Variants in DUSP8 observed in about 807,000 individuals in gnomAD.
The protein encoded by DUSP8 is dual specificity protein phosphatase 8.
A neutral mutation model predicts 38.7 loss-of-function variants in DUSP8; 15 were observed. That is an observed-to-expected ratio of 0.39 (90% confidence interval 0.26 to 0.60). The LOEUF is 0.60. Ranked by LOEUF, DUSP8 falls within the 20% of genes least tolerant of loss-of-function variation. DUSP8 has a pLI of 0.56. For synonymous variants in DUSP8, 458 were observed against 433.9 expected (o/e 1.06, Z -0.69); for missense variants, 768 against 915.0 (o/e 0.84, Z 2.07).
intron 3 of DUSP8, among the ~76,000 whole-genome samples, chr11:1,560,269 C>T (rs1208312553): frequency 6.6e-6 from 1 of 152,140 alleles, no homozygotes; most frequent in African/African-American, 2.4e-5. Context: ...CCTGGGAACC[C>T]CAGGGCTCTT....
chr11:1,563,976 T>C lies in DUSP8; in HGVS notation c.245A>G (p.Glu82Gly). Residue 82 changes from glutamate to glycine, a missense_variant, in exon 3 of 7, where the codon GAG becomes GGG. Physicochemically the swap from Glu to Gly is moderately conservative, Grantham distance 98. Coordinates refer to ENST00000397374, the MANE Select transcript of DUSP8 (RefSeq NM_004420.3). ...GTCATAGACCACCACGTCCTGTGGC[T>C]CCGTAGCCTCCACCTGGGGGCCATG... ...PAARSQVEAT[E>G]PQDVVVYDQS... 4.7e-6 allele frequency: 7 copies of C among 1,491,118 alleles called. No individual in the cohort carries two copies. The highest frequency in any genetic ancestry group is 6.3e-6 in the Non-Finnish European group (7 of 1,112,496). The allele number at this position is 1,491,118 out of a possible 1,614,324, so 92.4% of individuals were successfully genotyped here.
At chr11:1,559,180 G>A (rs911337004) in intron 3 of DUSP8, 125 bp from the exon 4 acceptor site, 1 of 940,868 alleles carries the variant, frequency 1.1e-6, no homozygotes, top group Non-Finnish European at 1.5e-6. Flanking sequence ...GCCCAGACCC[G>A]AGCCTGAGCC....
Position 1,557,755 on chromosome 11 carries a change from C to A in DUSP8, c.821+39G>T, listed in dbSNP as rs1258325818. 3.1e-6 allele frequency: 5 copies of A among 1,610,686 alleles called. No individual in the cohort carries two copies. The highest frequency in any genetic ancestry group is 4.2e-6 in the Non-Finnish European group (5 of 1,179,234). ...TGGGCAGCCGGGGGAAGGGAAGCGA[C>A]GCTGTGAGCCACAAGTGCGCGACTG... On this transcript the variant is annotated intron_variant, in intron 6 of 6. Coordinates refer to ENST00000397374, the MANE Select transcript of DUSP8 (RefSeq NM_004420.3). The surrounding 1 kb of genome is among the most constrained non-coding windows in gnomAD (Gnocchi z 9.9).
Position 1,557,453 on chromosome 11 carries a change from C to T in DUSP8, c.943G>A (p.Gly315Arg). 1.9e-6 allele frequency: 3 copies of T among 1,564,022 alleles called. No individual in the cohort carries two copies. Among genetic ancestry groups the T allele is most frequent in the African/African-American group, 1.4e-5 (1 of 72,906 alleles). ...GGACTGGGCGGAGGCTCCGGCGTCC[C>T]TGAGGGGGTGCCCGGGTCGCCCTGC... ...ALQGDPGTPS[G>R]TPEPPPSPAA... Residue 315 changes from glycine (G) to arginine (R), a missense_variant, in exon 7 of 7, where the codon GGG (glycine) becomes AGG (arginine). By Grantham distance (125) the Gly-to-Arg change is moderately radical. Transcript: ENST00000397374. This position sits in a 1 kb window ranked among gnomAD's most constrained non-coding sequence, Gnocchi z 9.9.
chr11:1,558,878 T>A lies in DUSP8; in HGVS notation c.537+11A>T. On this transcript the variant is annotated intron_variant, in intron 4 of 6. Transcript: ENST00000397374. This position sits in a 1 kb window ranked among gnomAD's most constrained non-coding sequence, Gnocchi z 6.3. ...CCATTGACCACCCCCCGAACTCCAC[T>A]GCACACACACCTTGTTTAGGACGTC... is the stretch of plus-strand genomic sequence containing the variant. 1 of 1,600,402 alleles carries A rather than the reference T, an allele frequency of 6.2e-7. No homozygotes were observed. Among genetic ancestry groups the A allele is most frequent in the Non-Finnish European group, 8.5e-7 (1 of 1,171,206 alleles).
Position 1,565,561 on chromosome 11 carries a change from C to T in DUSP8, c.231+35G>A, listed in dbSNP as rs201833778. ...GGGCCCCTTAGCTGTGGACCCTGGA[C>T]GTGATGCATGCCTGGTGGGCAGTGG... On this transcript the variant is annotated intron_variant, in intron 2 of 6. Transcript: ENST00000397374. 77 of 1,540,388 alleles carry T rather than the reference C, an allele frequency of 5.0e-5. No homozygotes were observed. The East Asian group carries it at 6.5e-4, about 13-fold the overall frequency.
chr11:1,564,333 C>A (rs1848768639), intron 2 of DUSP8, among the ~76,000 whole-genome samples: 1 of 152,166 alleles, frequency 6.6e-6, no homozygotes, highest in Non-Finnish European at 1.5e-5. Flanking sequence ...CGATGGGAGC[C>A]CAGGATAGGA....
rs1346971690 is a variant in DUSP8, at chr11:1,555,544, G to A, written c.*974C>T. On this transcript the variant is annotated 3_prime_UTR_variant, in exon 7 of 7. Transcript: ENST00000397374. ...TAAGACCACCCCCTCCTCATACCTGGGGGTCCAGGGCTTCCTGCCCAGTGG... is the reference window on the plus strand; with the variant it reads ...TAAGACCACCCCCTCCTCATACCTGAGGGTCCAGGGCTTCCTGCCCAGTGG... 21 of 883,550 alleles carry A rather than the reference G, an allele frequency of 2.4e-5. No individual in the cohort carries two copies. Among genetic ancestry groups the A allele is most frequent in the Middle Eastern group, 5.4e-4 (1 of 1,868 alleles). The allele number at this position is 883,550 out of a possible 1,614,324, so 54.7% of individuals were successfully genotyped here.
chr11:1,565,551 G>C, intron 2 of DUSP8, 45 bp downstream of exon 2: 2 of 1,500,698 alleles, frequency 1.3e-6, no homozygotes, highest in Non-Finnish European at 1.8e-6. Context: ...CCTTAGCTGT[G>C]GACCCTGGAC....
At chr11:1,562,041 A>G (rs1848724870) in intron 3 of DUSP8, among the ~76,000 whole-genome samples, 2 of 152,216 alleles carry the variant, frequency 1.3e-5, no homozygotes, top group African/African-American at 4.8e-5. Flanking sequence ...GTCAGCACAG[A>G]AAGGCAGTTC....
intron 3 of DUSP8, 101 bp downstream of exon 3, chr11:1,563,750 C>A (rs908057318): frequency 4.8e-6 from 6 of 1,245,306 alleles, no homozygotes; most frequent in Non-Finnish European, 5.4e-6. Context: ...GTATGGAGAT[C>A]CCCCCGTGCC....
At position 1,558,510 on chromosome 11, in the gene DUSP8, C is replaced by T. The variant is rs544697735; in HGVS notation, c.538-239G>A. On this transcript the variant is annotated intron_variant, in intron 4 of 6. Transcript: ENST00000397374. The surrounding 1 kb of genome is among the most constrained non-coding windows in gnomAD (Gnocchi z 6.3). ...GGCCTCCGACTGCAGGCCCCACCCA[C>T]GGCTGGTGGTGGGCTCCTAGGAATT... Among the ~76,000 whole-genome samples, 29 of 152,240 alleles carry T rather than the reference C, an allele frequency of 1.9e-4. No individual in the cohort carries two copies. Among genetic ancestry groups the T allele is most frequent in the African/African-American group, 3.6e-4 (15 of 41,560 alleles).
At chr11:1,567,657 G>C (rs866312981) in intron 1 of DUSP8, among the ~76,000 whole-genome samples, 1 of 152,348 alleles carries the variant, frequency 6.6e-6, no homozygotes, top group South Asian at 2.1e-4. Flanking sequence ...GGAAACACCT[G>C]ACTGTGGATG....
chr11:1,569,894 G>A (rs934896638), intron 1 of DUSP8, among the ~76,000 whole-genome samples: 1 of 152,200 alleles, frequency 6.6e-6, no homozygotes, highest in African/African-American at 2.4e-5. Context: ...CACTAAGGAG[G>A]CTGAGGAGAG....
rs1327089919 is a variant in DUSP8 at position 1,558,591 on chromosome 11, C to G, written c.537+298G>C. Among the ~76,000 whole-genome samples the G allele has an allele frequency of 1.3e-5, 2 of 152,132 alleles. No individual in the cohort carries two copies. The highest frequency in any genetic ancestry group is 6.5e-5 in the Admixed American group (1 of 15,280). On this transcript the variant is annotated intron_variant, in intron 4 of 6. Coordinates refer to ENST00000397374, the MANE Select transcript of DUSP8 (RefSeq NM_004420.3). This position sits in a 1 kb window ranked among gnomAD's most constrained non-coding sequence, Gnocchi z 6.3. ...TTTTCCCTCGTCACCATTTTTAAAACATGGGATTCTTTCAGAGCTGGCCAG... is the reference window on the plus strand; with the variant it reads ...TTTTCCCTCGTCACCATTTTTAAAAGATGGGATTCTTTCAGAGCTGGCCAG...
chr11:1,556,152 A>T lies in DUSP8; in HGVS notation c.*366T>A. ...AAGAAGTTTTTTTTTCCTTTTTTTC[A>T]CCTTTTTGTTATGTAAAAAGTGCAC... On this transcript the variant is annotated 3_prime_UTR_variant, in exon 7 of 7. Coordinates refer to ENST00000397374, the MANE Select transcript of DUSP8 (RefSeq NM_004420.3). The surrounding 1 kb of genome is among the most constrained non-coding windows in gnomAD (Gnocchi z 5.2). The T allele has an allele frequency of 5.6e-6, 1 of 179,780 alleles. No homozygotes were observed. The highest frequency in any genetic ancestry group is 1.2e-5 in the Non-Finnish European group (1 of 86,628). The allele number at this position is 179,780 out of a possible 1,614,324, so 11.1% of individuals were successfully genotyped here. A position where few individuals can be genotyped will look rare whatever the true frequency, so the allele number is the denominator to read the frequency against.
intron 3 of DUSP8, among the ~76,000 whole-genome samples, chr11:1,563,210 G>A (rs974471848): frequency 3.9e-5 from 6 of 152,162 alleles, no homozygotes; most frequent in South Asian, 2.1e-4. Flanking sequence ...GGCCAGCTCC[G>A]TCCGGCTCTG....
At position 1,557,648 on chromosome 11, in the gene DUSP8, C is replaced by T; in HGVS notation, c.822-74G>A. 6.6e-7 allele frequency: 1 copy of T among 1,526,712 alleles called. No individual in the cohort carries two copies. Among genetic ancestry groups the T allele is most frequent in the South Asian group, 1.3e-5 (1 of 78,698 alleles). 94.6% of individuals were successfully genotyped at this position (1,526,712 alleles called of 1,614,324 possible). A position where few individuals can be genotyped will look rare whatever the true frequency, so the allele number is the denominator to read the frequency against. On this transcript the variant is annotated intron_variant, in intron 6 of 6. Transcript: ENST00000397374. This position sits in a 1 kb window ranked among gnomAD's most constrained non-coding sequence, Gnocchi z 9.9. ...CCACCTGACGCACCCGCTGGGCACC[C>T]ACGAGCTCATGTGCGCCAGGCTGGT...
upstream of DUSP8, chr11:1,572,671 A>G: frequency 6.8e-6 from 1 of 146,856 alleles, no homozygotes; most frequent in Non-Finnish European, 1.5e-5. The surrounding 1 kb of genome is among the most constrained non-coding windows in gnomAD (Gnocchi z 4.7). Context: ...CGACCCGGAC[A>G]GGCGCCGGCG....
Sources: gnomAD v4.1 joint callset for allele counts (sites outside exome capture counted in the v4.1 genomes callset) on GRCh38, gnomAD v4.1.1 for gene constraint, Gnocchi (gnomAD v3.1) non-coding constraint, MANE v1.5 for transcripts, NCBI Gene and HGNC (gene_info 2026-07-23, HGNC 2026-07-21) for gene names.